Variants in RANBP17 observed in about 807,000 individuals in gnomAD.
The protein encoded by RANBP17 is ran-binding protein 17.
A neutral mutation model predicts 141.2 loss-of-function variants in RANBP17; 158 were observed. That is an observed-to-expected ratio of 1.12 (90% CI 0.98 to 1.28). The LOEUF (loss-of-function observed/expected upper bound fraction) is 1.28, where lower values mean the gene tolerates loss of function less well. RANBP17 is among the 50% of genes most tolerant of loss of function. The pLI, the probability that RANBP17 is intolerant of heterozygous loss-of-function variation, is 0.00. For synonymous variants in RANBP17, 430 were observed against 450.0 expected, an observed-to-expected ratio of 0.96 and a Z score of 0.56; for missense variants, 1,438 against 1,290.7, an observed-to-expected ratio of 1.11 and a Z score of -1.75.
intron 13 of RANBP17, among the ~76,000 whole-genome samples, chr5:170,967,508 G>C (rs1289558651): frequency 6.6e-6 from 1 of 151,704 alleles, no homozygotes; most frequent in African/African-American, 2.4e-5. Flanking sequence ...AGATAATATT[G>C]AAGGATTTTT....
chr5:170,970,234 G>A (rs187714297), intron 14 of RANBP17, among the ~76,000 whole-genome samples: 11 of 151,786 alleles, frequency 7.2e-5, no homozygotes, highest in Non-Finnish European at 5.9e-5. Context: ...ATTTCTTGGT[G>A]GGTGTATTGT....
intron 14 of RANBP17, among the ~76,000 whole-genome samples, chr5:171,048,904 T>A (rs1426859151): frequency 6.6e-6 from 1 of 152,188 alleles, no homozygotes; most frequent in Admixed American, 6.5e-5. Context: ...GTTGATATGC[T>A]TGTCTTTGTT....
At chr5:170,976,383 C>A (rs1260004698) in intron 14 of RANBP17, among the ~76,000 whole-genome samples, 1 of 152,084 alleles carries the variant, frequency 6.6e-6, no homozygotes. Flanking sequence ...GATTACAAGA[C>A]TTAATATTGT....
At chr5:170,979,564 A>T (rs1777618437) in intron 14 of RANBP17, among the ~76,000 whole-genome samples, 1 of 152,140 alleles carries the variant, frequency 6.6e-6, no homozygotes, top group Admixed American at 6.5e-5. Context: ...GGTCTTTCCT[A>T]TGCTGTTCTC....
intron 5 of RANBP17, chr5:170,904,084 T>C (rs1770884262): frequency 2.3e-6 from 1 of 437,402 alleles, no homozygotes; most frequent in Non-Finnish European, 4.5e-6. Context: ...TGTGTGCTCA[T>C]GGTTAGAGGA....
At chr5:171,039,554 A>G (rs566994837) in intron 14 of RANBP17, among the ~76,000 whole-genome samples, 18 of 151,942 alleles carry the variant, frequency 1.2e-4, no homozygotes, top group Admixed American at 9.2e-4. Flanking sequence ...GTTGATGGTT[A>G]CTTTTGCTGT....
intron 14 of RANBP17, among the ~76,000 whole-genome samples, chr5:171,104,460 A>C (rs1754631375): frequency 6.6e-6 from 1 of 152,210 alleles, no homozygotes; most frequent in Admixed American, 6.5e-5. Context: ...AGAGGGTGAA[A>C]TATAAGACTA....
At chr5:170,886,736 C>T (rs1243709072) in intron 3 of RANBP17, among the ~76,000 whole-genome samples, 1 of 149,178 alleles carries the variant, frequency 6.7e-6, no homozygotes, top group Non-Finnish European at 1.5e-5. Context: ...TGGCTCACTC[C>T]TCCCTTTGCC....
intron 12 of RANBP17, among the ~76,000 whole-genome samples, chr5:170,947,266 A>G (rs1052671632): frequency 4.6e-5 from 7 of 152,112 alleles, no homozygotes; most frequent in Non-Finnish European, 8.8e-5. Context: ...TGTTTTCTAT[A>G]TAATGATTTC....
At chr5:171,072,695 C>T (rs1581562951) in intron 14 of RANBP17, among the ~76,000 whole-genome samples, 2 of 152,128 alleles carry the variant, frequency 1.3e-5, no homozygotes, top group Non-Finnish European at 1.5e-5. Flanking sequence ...ATGGCATAGC[C>T]ACTTTGGAAG....
chr5:170,885,582 C>T (rs773904706), intron 3 of RANBP17, among the ~76,000 whole-genome samples: 6 of 152,138 alleles, frequency 3.9e-5, no homozygotes, highest in African/African-American at 7.2e-5. Context: ...TGTAGGAATG[C>T]ACTTCTGAGG....
intron 21 of RANBP17, among the ~76,000 whole-genome samples, chr5:171,218,850 A>G (rs1763384410): frequency 6.6e-6 from 1 of 151,182 alleles, no homozygotes; most frequent in South Asian, 2.1e-4. Context: ...TTGACTCTTT[A>G]TCCAAGTTGC....
At chr5:171,203,011 G>A (rs1325117421) in intron 19 of RANBP17, among the ~76,000 whole-genome samples, 1 of 152,048 alleles carries the variant, frequency 6.6e-6, no homozygotes, top group African/African-American at 2.4e-5. Context: ...TTGGCACACA[G>A]ACAACTGTTC....
chr5:171,029,171 T>C (rs939914559), intron 14 of RANBP17: 3 of 201,076 alleles, frequency 1.5e-5, no homozygotes. Context: ...TGATGATTAA[T>C]CACCTTATTA....
chr5:171,071,296 A>G, intron 14 of RANBP17, among the ~76,000 whole-genome samples: 1 of 152,088 alleles, frequency 6.6e-6, no homozygotes, highest in South Asian at 2.1e-4. Flanking sequence ...TGTGACATAT[A>G]TATTCAGTGT....
At chr5:171,084,161 T>C (rs1785464918) in intron 14 of RANBP17, among the ~76,000 whole-genome samples, 1 of 142,284 alleles carries the variant, frequency 7.0e-6, no homozygotes, top group South Asian at 2.3e-4. Flanking sequence ...CCTTCCTGTG[T>C]CCATGTGTTC....
intron 12 of RANBP17, among the ~76,000 whole-genome samples, chr5:170,943,390 A>G (rs1774490743): frequency 6.6e-6 from 1 of 152,138 alleles, no homozygotes; most frequent in South Asian, 2.1e-4. Flanking sequence ...TTACGAAAAC[A>G]ATAATCCGTA....
At chr5:171,044,000 A>T (rs1224473029) in intron 14 of RANBP17, among the ~76,000 whole-genome samples, 1 of 152,172 alleles carries the variant, frequency 6.6e-6, no homozygotes, top group Non-Finnish European at 1.5e-5. Flanking sequence ...AAATCCTTAC[A>T]TTTAAAATAA....
At chr5:171,281,101 C>T (rs1438219561) in intron 25 of RANBP17, among the ~76,000 whole-genome samples, 2 of 152,194 alleles carry the variant, frequency 1.3e-5, no homozygotes, top group Non-Finnish European at 2.9e-5. Context: ...CATTCCCAGA[C>T]TTTAGTTAAG....
Sources: allele counts gnomAD v4.1 joint callset (sites outside exome capture counted in the v4.1 genomes callset), GRCh38; gene constraint gnomAD v4.1.1; transcripts MANE v1.5; gene names NCBI Gene and HGNC (gene_info 2026-07-23, HGNC 2026-07-21).